Variants in LRP2 observed in about 807,000 individuals in gnomAD.
The protein encoded by LRP2 is low-density lipoprotein receptor-related protein 2.
LRP2 carries 172 observed loss-of-function variants against 531.0 expected under a neutral mutation model. The ratio of observed to expected loss-of-function variants is 0.32; its 90% CI spans 0.29 to 0.37. LRP2 has a LOEUF of 0.37. Ranked by LOEUF, LRP2 falls within the 10% of genes least tolerant of loss-of-function variation. The pLI is 1.00. For synonymous variants in LRP2, 1,992 were observed against 2,027.6 expected (o/e 0.98, Z 0.47); for missense variants, 5,167 against 5,868.3 (o/e 0.88, Z 3.90).
Position 169,256,187 on chromosome 2 carries a change from T to C in LRP2, c.2689A>G (p.Ser897Gly), listed in dbSNP as rs754066242. The change falls in exon 19 of 79, where the codon AGC (serine) becomes GGC (glycine). Residue 897 changes from serine to glycine, a missense_variant. Transcript: ENST00000649046. ...CTTCTGTCTAAACCATCAAAGGTGC[T>C]GTGCTCAATTTTATCAAAATAGGCA... ...VDAYFDKIEH[S>G]TFDGLDRRRL... is the part of the protein sequence containing the mutation. 4.3e-6 allele frequency: 7 copies of C among 1,613,036 alleles called. No individual in the cohort carries two copies. Among genetic ancestry groups the C allele is most frequent in the Middle Eastern group, 1.7e-4 (1 of 6,048 alleles).
chr2:169,136,920 A>T (rs1301096970), intron 76 of LRP2, among the ~76,000 whole-genome samples: 1 of 152,220 alleles, frequency 6.6e-6, no homozygotes, highest in Non-Finnish European at 1.5e-5. Flanking sequence ...CAAGCATAAG[A>T]GGTCCCTCTC....
rs755568696 is a variant in LRP2, at chr2:169,188,077, G to A, written c.9221C>T (p.Thr3074Met). The A allele has an allele frequency of 2.4e-5, 38 of 1,613,970 alleles. No homozygotes were observed. The highest frequency in any genetic ancestry group is 1.6e-4 in the Middle Eastern group (1 of 6,084). The change falls in exon 49 of 79, where the codon ACG (threonine) becomes ATG (methionine). Residue 3074 changes from threonine (T) to methionine (M), a missense_variant. Physicochemically the swap from Thr to Met is moderately conservative, Grantham distance 81. This residue lies in a region of LRP2 where 1,129 missense variants were observed against 1,362.7 expected (regional missense o/e 0.83). Transcript: ENST00000649046. ...LMHLCHTPEPTCPPHEFKCDN... is the reference protein window; with the variant it reads ...LMHLCHTPEPMCPPHEFKCDN... ...ACACTTGAACTCGTGAGGTGGACAC[G>A]TGGGTTCTGGGGTGTGGCACAGGTG...
chr2:169,256,395 C>A (rs1307275239), intron 18 of LRP2, among the ~76,000 whole-genome samples, 159 bp from the exon 19 acceptor site: 1 of 151,798 alleles, frequency 6.6e-6, no homozygotes, highest in Non-Finnish European at 1.5e-5. Context: ...GTTTTATGTC[C>A]CCCAGAAAGA....
At chr2:169,326,901 G>A (rs1401761635) in intron 1 of LRP2, among the ~76,000 whole-genome samples, 2 of 151,146 alleles carry the variant, frequency 1.3e-5, no homozygotes, top group South Asian at 2.1e-4. Context: ...GCCTCTGCCC[G>A]GCGGCGACCC....
intron 1 of LRP2, among the ~76,000 whole-genome samples, chr2:169,331,740 G>C (rs975931945): frequency 2.6e-5 from 4 of 152,188 alleles, no homozygotes; most frequent in Non-Finnish European, 5.9e-5. Context: ...ATGCCCTTCA[G>C]CACCTCATGA....
At chr2:169,247,086 T>TGAAGGAAAA in intron 20 of LRP2, 100 bp from the exon 21 acceptor site, 1 of 1,345,210 alleles carries the variant, frequency 7.4e-7, no homozygotes, top group Non-Finnish European at 1.0e-6. Flanking sequence ...AAAACATTTT[T>TGAAGGAAAA]CAGACCCAAT....
At chr2:169,150,200 A>AT (rs1686071257) in intron 68 of LRP2, among the ~76,000 whole-genome samples, 1 of 152,240 alleles carries the variant, frequency 6.6e-6, no homozygotes, top group South Asian at 2.1e-4. Context: ...AAATACTGGC[A>AT]TATCTACAGA....
chr2:169,154,354 A>C, intron 66 of LRP2, 106 bp downstream of exon 66: 2 of 1,070,500 alleles, frequency 1.9e-6, no homozygotes, highest in Admixed American at 3.6e-5. Context: ...TCCTCCACTA[A>C]TGCAACAAAA....
intron 1 of LRP2, among the ~76,000 whole-genome samples, chr2:169,346,654 CAT>C (rs1380367897): frequency 1.3e-5 from 2 of 152,148 alleles, no homozygotes; most frequent in Non-Finnish European, 2.9e-5. Flanking sequence ...GCCTGGGCAA[CAT>C]AGTGAGACCC....
intron 52 of LRP2, among the ~76,000 whole-genome samples, chr2:169,179,047 T>C (rs1687324882): frequency 6.6e-6 from 1 of 152,054 alleles, no homozygotes; most frequent in African/African-American, 2.4e-5. Context: ...TCTGACTCTG[T>C]TGCCCAAGCT....
At chr2:169,181,879 G>A (rs1687450474) in intron 51 of LRP2, among the ~76,000 whole-genome samples, 1 of 152,208 alleles carries the variant, frequency 6.6e-6, no homozygotes, top group African/African-American at 2.4e-5. Context: ...CGAGAGTCCA[G>A]TAAAGAAATC....
In LRP2 at chr2:169,142,715, C is replaced by G. The variant is rs1163401837; in HGVS notation, c.13067G>C (p.Gly4356Ala). Residue 4356 changes from glycine to alanine, a missense_variant, in exon 71 of 79, where the codon GGC (glycine) becomes GCC (alanine). By Grantham distance (60) the Gly-to-Ala change is moderately conservative. Around this residue, in one of 6 missense-constraint regions of LRP2, gnomAD observed 348 missense variants for 369.3 expected, o/e 0.94. Transcript: ENST00000649046. Reference protein sequence around the residue: ...PGGYSCACPQGSSFIEGSTTE... With the variant: ...PGGYSCACPQASSFIEGSTTE... Reference sequence around the variant, plus strand: ...GGTGCTCCCCTCTATAAAGCTGGAGCCTTGGGGACAGGCACAGCTGTATCC... The same window carrying G: ...GGTGCTCCCCTCTATAAAGCTGGAGGCTTGGGGACAGGCACAGCTGTATCC... 1 of 1,614,114 alleles carries G rather than the reference C, an allele frequency of 6.2e-7. No homozygotes were observed. The highest frequency in any genetic ancestry group is 1.1e-5 in the South Asian group (1 of 91,080).
chr2:169,270,281 A>G (rs1455621103), intron 16 of LRP2, among the ~76,000 whole-genome samples: 1 of 152,232 alleles, frequency 6.6e-6, no homozygotes, highest in East Asian at 1.9e-4. Flanking sequence ...ATTATAAATC[A>G]TGCTGCTATA....
intron 3 of LRP2, among the ~76,000 whole-genome samples, chr2:169,315,052 G>A (rs540774682): frequency 6.6e-6 from 1 of 152,288 alleles, no homozygotes; most frequent in East Asian, 1.9e-4. Flanking sequence ...GTTGTGCTTA[G>A]GTTTTCAAAG....
rs55865218 is a variant in LRP2 at position 169,306,572 on chromosome 2, T to C, written c.427+709A>G. Among the ~76,000 whole-genome samples the C allele has an allele frequency of 7.6e-3, 1,150 of 152,210 alleles. 14 individuals carry two copies. The highest frequency in any genetic ancestry group is 0.026 in the African/African-American group (1,092 of 41,538). ...AAAAAACAGAAAGAGAGAGAAACTG[T>C]GGTATGCCTGAGATTAAAGACAATT... On this transcript the variant is annotated intron_variant, in intron 4 of 78. Coordinates refer to ENST00000649046, the MANE Select transcript of LRP2 (RefSeq NM_004525.3).
chr2:169,142,386 A>T (rs1685753659), intron 71 of LRP2, among the ~76,000 whole-genome samples: 1 of 152,006 alleles, frequency 6.6e-6, no homozygotes, highest in African/African-American at 2.4e-5. Context: ...TCTTATAAAA[A>T]CTCACTCTTC....
Position 169,142,686 on chromosome 2 carries a change from C to A in LRP2, c.13096G>T (p.Glu4366Ter). ...GSSFIEGSTT[E>*]CDAAIELPIN... ...GCAGTGCTCCTACCTGCATCACACT[C>A]AGTGGTGCTCCCCTCTATAAAGCTG... The change falls in exon 71 of 79, where the codon GAG (glutamate) becomes TAG (stop). Residue 4366 changes from glutamate to a stop codon, truncating the protein, a stop_gained. Transcript: ENST00000649046. LOFTEE classifies it high-confidence loss of function. 1 of 1,614,008 alleles carries A rather than the reference C, an allele frequency of 6.2e-7. No individual in the cohort carries two copies. Among genetic ancestry groups the A allele is most frequent in the South Asian group, 1.1e-5 (1 of 91,046 alleles).
In LRP2 at chr2:169,275,018, C is replaced by T; in HGVS notation, c.1975+18G>A. 6.2e-7 allele frequency: 1 copy of T among 1,612,078 alleles called. No individual in the cohort carries two copies. The highest frequency in any genetic ancestry group is 8.5e-7 in the Non-Finnish European group (1 of 1,178,592). On this transcript the variant is annotated intron_variant, in intron 14 of 78. Coordinates refer to ENST00000649046, the MANE Select transcript of LRP2 (RefSeq NM_004525.3). ...CAAGTCCGGTACCAAGCATGGTTAC[C>T]ACTGCTCTGAGGCTTACCATAGGGC...
chr2:169,267,419 G>A (rs1469244825), intron 16 of LRP2, among the ~76,000 whole-genome samples: 1 of 151,984 alleles, frequency 6.6e-6, no homozygotes, highest in Non-Finnish European at 1.5e-5. Flanking sequence ...CAGACCACAA[G>A]GCAATCAAAT....
Sources: allele counts gnomAD v4.1 joint callset (sites outside exome capture counted in the v4.1 genomes callset), GRCh38; gene constraint gnomAD v4.1.1; regional missense constraint gnomAD v4.1.1; transcripts MANE v1.5; gene names NCBI Gene and HGNC (gene_info 2026-07-23, HGNC 2026-07-21).